YPEL5: variants seen among roughly 807,000 people sequenced by gnomAD.
YPEL5 encodes protein yippee-like 5.
A neutral mutation model predicts 10.5 loss-of-function variants in YPEL5; 1 was observed. The ratio of observed to expected loss-of-function variants is 0.10; its 90% CI spans 0.03 to 0.45. YPEL5 has a LOEUF of 0.45. YPEL5 is among the 20% of genes least tolerant of loss of function. The probability of loss-of-function intolerance (pLI) is 0.97; values close to 1 mark genes in which losing one functional copy is unlikely to be tolerated. For synonymous variants in YPEL5, 61 were observed against 56.6 expected, an observed-to-expected ratio of 1.08 and a Z score of -0.35; for missense variants, 68 against 159.3, an observed-to-expected ratio of 0.43 and a Z score of 3.09.
chr2:30,157,875 T>A lies in YPEL5; in HGVS notation c.142-744T>A, dbSNP rs541069426. 2.0e-5 allele frequency among the ~76,000 whole-genome samples: 3 copies of A among 152,338 alleles called. No individual in the cohort carries two copies. The South Asian group carries it at 6.2e-4, about 32-fold the overall frequency. ...CAGCTGCCTGTTTTGGTAAATGTAA[T>A]GGAACACAGCTCTGCTTGTGCATTA... On this transcript the variant is annotated intron_variant, in intron 2 of 2. Transcript: ENST00000261353.
intron 1 of YPEL5, among the ~76,000 whole-genome samples, chr2:30,150,185 G>A (rs570167335): frequency 6.6e-6 from 1 of 152,330 alleles, no homozygotes; most frequent in South Asian, 2.1e-4. Context: ...AGTGAAGCCA[G>A]TTAATTGTTA....
chr2:30,148,889 TATC>T (rs1336857794), intron 1 of YPEL5, among the ~76,000 whole-genome samples: 3 of 152,226 alleles, frequency 2.0e-5, no homozygotes, highest in African/African-American at 4.8e-5. Flanking sequence ...GTGCCTAAAA[TATC>T]ATTCTAGGTT....
chr2:30,147,338 C>T (rs1675467179), intron 1 of YPEL5, among the ~76,000 whole-genome samples: 1 of 149,578 alleles, frequency 6.7e-6, no homozygotes, highest in South Asian at 2.1e-4. Context: ...CGCCGCGCAG[C>T]CGGGCGACCG....
chr2:30,147,921 A>C (rs1048984938), intron 1 of YPEL5: 1 of 152,638 alleles, frequency 6.6e-6, no homozygotes, highest in Non-Finnish European at 1.5e-5. Context: ...GGCCTCCATC[A>C]GCTGGGCCGG....
intron 1 of YPEL5, chr2:30,156,386 G>A (rs191454752): frequency 2.6e-6 from 1 of 379,938 alleles, no homozygotes; most frequent in African/African-American, 2.0e-5. Flanking sequence ...CTTTGGCCTT[G>A]GCTAATAGGT....
chr2:30,158,891 C>G lies in YPEL5; in HGVS notation c.*48C>G. ...TTTCCCAGGTCTCCTTCACTGAAAACAAAAATCTACTTACATACACTGTCA... is the reference window on the plus strand; with the variant it reads ...TTTCCCAGGTCTCCTTCACTGAAAAGAAAAATCTACTTACATACACTGTCA... On this transcript the variant is annotated 3_prime_UTR_variant, in exon 3 of 3. Transcript: ENST00000261353. The G allele has an allele frequency of 6.3e-7, 1 of 1,575,930 alleles. No homozygotes were observed. The highest frequency in any genetic ancestry group is 1.3e-5 in the African/African-American group (1 of 74,152).
At chr2:30,157,880 C>G (rs2103521566) in intron 2 of YPEL5, among the ~76,000 whole-genome samples, 1 of 152,320 alleles carries the variant, frequency 6.6e-6, no homozygotes, top group East Asian at 1.9e-4. Context: ...TGTAATGGAA[C>G]ACAGCTCTGC....
At chr2:30,147,133 C>T (rs981777707) in intron 1 of YPEL5, 71 bp downstream of exon 1, 1 of 152,234 alleles carries the variant, frequency 6.6e-6, no homozygotes, top group African/African-American at 2.4e-5. Context: ...CGGGCGGCTT[C>T]GAGGCACTCG....
chr2:30,157,564 A>T (rs181471185), intron 2 of YPEL5, among the ~76,000 whole-genome samples: 70 of 152,246 alleles, frequency 4.6e-4, no homozygotes, highest in African/African-American at 1.3e-3. Flanking sequence ...TGTTTTTCTG[A>T]TTTGCAAGTG....
chr2:30,150,702 A>G (rs1470918911), intron 1 of YPEL5, among the ~76,000 whole-genome samples: 1 of 152,248 alleles, frequency 6.6e-6, no homozygotes, highest in Non-Finnish European at 1.5e-5. Context: ...CCAAATGCCA[A>G]CCAAGTTTCC....
At chr2:30,149,294 A>G (rs1176493331) in intron 1 of YPEL5, among the ~76,000 whole-genome samples, 2 of 152,228 alleles carry the variant, frequency 1.3e-5, no homozygotes, top group Non-Finnish European at 2.9e-5. Context: ...GAACAAAAAT[A>G]TATCCTTAAA....
intron 1 of YPEL5, among the ~76,000 whole-genome samples, chr2:30,148,700 G>T (rs1437777790): frequency 3.3e-5 from 5 of 152,144 alleles, no homozygotes; most frequent in African/African-American, 1.2e-4. Flanking sequence ...GGATCATTGC[G>T]AACTTTTCTC....
rs181134506 is a variant in YPEL5, at chr2:30,154,670, G to A, written c.-24-1958G>A. 1.6e-4 allele frequency among the ~76,000 whole-genome samples: 25 copies of A among 152,220 alleles called. No individual in the cohort carries two copies. In the East Asian group the frequency reaches 4.2e-3, roughly 26 times the overall value. ...TATCTGTTCACTGCTGTATTCCTAG[G>A]CTACCAAATGAATTCAGCCTGTAGG... On this transcript the variant is annotated intron_variant, in intron 1 of 2. Coordinates refer to ENST00000261353, the MANE Select transcript of YPEL5 (RefSeq NM_016061.3).
At position 30,159,120 on chromosome 2, in the gene YPEL5, T is replaced by A; in HGVS notation, c.*277T>A. ...GCAGCAGAGTCTGTCTGCAGCTATG[T>A]GGTGAGCTATGTAAGGAAAAAAATC... On this transcript the variant is annotated 3_prime_UTR_variant, in exon 3 of 3. Transcript: ENST00000261353. 2.6e-6 allele frequency: 1 copy of A among 391,682 alleles called. No individual in the cohort carries two copies. The highest frequency in any genetic ancestry group is 4.4e-5 in the East Asian group (1 of 22,492). The allele number at this position is 391,682 out of a possible 1,614,324, so 24.3% of individuals were successfully genotyped here. A position where few individuals can be genotyped will look rare whatever the true frequency, so the allele number is the denominator to read the frequency against.
intron 1 of YPEL5, among the ~76,000 whole-genome samples, chr2:30,150,264 G>A (rs532709208): frequency 6.6e-6 from 1 of 152,344 alleles, no homozygotes; most frequent in Admixed American, 6.5e-5. Context: ...GGGGAATGTT[G>A]AAGAAGATAA....
At chr2:30,151,125 T>G (rs1174663886) in intron 1 of YPEL5, among the ~76,000 whole-genome samples, 1 of 152,220 alleles carries the variant, frequency 6.6e-6, no homozygotes, top group Non-Finnish European at 1.5e-5. Context: ...CAAGATACCG[T>G]ATTTCGCTTG....
chr2:30,148,593 C>T (rs1372763337), intron 1 of YPEL5: 1 of 152,206 alleles, frequency 6.6e-6, no homozygotes, highest in Non-Finnish European at 1.5e-5. Context: ...AAGCTTATAA[C>T]TTAATCAAAA....
In YPEL5 at chr2:30,156,642, A is replaced by G. The variant is rs762595310; in HGVS notation, c.-10A>G. On this transcript the variant is annotated 5_prime_UTR_variant, in exon 2 of 3. Coordinates refer to ENST00000261353, the MANE Select transcript of YPEL5 (RefSeq NM_016061.3). The stretch of plus-strand genomic sequence containing the variant: ...TTTGCTCCTAGGTTTTTAGAACTTC[A>G]GCCATAAAAATGGGCAGAATTTTCC... 1.2e-5 allele frequency: 19 copies of G among 1,613,528 alleles called. No homozygotes were observed. In the African/African-American group the frequency reaches 2.3e-4, roughly 19 times the overall value.
At chr2:30,155,104 A>G (rs1248727985) in intron 1 of YPEL5, among the ~76,000 whole-genome samples, 5 of 152,240 alleles carry the variant, frequency 3.3e-5, no homozygotes, top group South Asian at 2.1e-4. Flanking sequence ...AAATAAGGCA[A>G]TAAGTGTTTC....
Sources: allele counts gnomAD v4.1 joint callset (sites outside exome capture counted in the v4.1 genomes callset), GRCh38; gene constraint gnomAD v4.1.1; transcripts MANE v1.5; gene names NCBI Gene and HGNC (gene_info 2026-07-23, HGNC 2026-07-21).